GMPS: variants seen among roughly 807,000 people sequenced by gnomAD.
The protein encoded by GMPS is guanosine monophosphate synthase, also known as GMP synthase [glutamine-hydrolyzing].
A neutral mutation model predicts 77.9 loss-of-function variants in GMPS; 15 were observed. The ratio of observed to expected loss-of-function variants is 0.19; its 90% CI spans 0.13 to 0.30. GMPS has a LOEUF of 0.30. Among genes scored for constraint, GMPS ranks in the 10% least tolerant of loss-of-function variants. GMPS has a pLI of 1.00. For synonymous variants in GMPS, 224 were observed against 275.9 expected, an observed-to-expected ratio of 0.81 and a Z score of 1.86; for missense variants, 590 against 838.8, an observed-to-expected ratio of 0.70 and a Z score of 3.66.
intron 3 of GMPS, among the ~76,000 whole-genome samples, chr3:155,903,239 G>T: frequency 6.6e-6 from 1 of 152,176 alleles, no homozygotes; most frequent in East Asian, 1.9e-4. Context: ...GCATGTAAAT[G>T]ATAAATAAGA....
rs554576870 is a variant in GMPS, at chr3:155,906,987, A to G, written c.526+724A>G. Among the ~76,000 whole-genome samples, 15 of 152,316 alleles carry G rather than the reference A, an allele frequency of 9.8e-5. 1 individual carries two copies. The highest frequency in any genetic ancestry group is 3.6e-4 in the African/African-American group (15 of 41,576). On this transcript the variant is annotated intron_variant, in intron 5 of 15. Transcript: ENST00000496455. ...TAATATTCCTGGAAGTTAGTAAAAG[A>G]AAAAGGTGGGTTTATCACTAAAGTT...
chr3:155,902,365 C>T (rs1165792626), intron 3 of GMPS, among the ~76,000 whole-genome samples: 5 of 152,118 alleles, frequency 3.3e-5, no homozygotes, highest in Non-Finnish European at 1.5e-5. Context: ...GCCTATAGAC[C>T]AAATCTGGCC....
At chr3:155,914,593 C>T in intron 8 of GMPS, 23 bp downstream of exon 8, 1 of 1,454,904 alleles carries the variant, frequency 6.9e-7, no homozygotes, top group African/African-American at 1.4e-5. Context: ...TTAATATCCT[C>T]AACATGTACT....
intron 1 of GMPS, among the ~76,000 whole-genome samples, chr3:155,891,714 C>G (rs891968344): frequency 6.7e-6 from 1 of 148,914 alleles, no homozygotes; most frequent in Non-Finnish European, 1.5e-5. Context: ...TCAAGTGATT[C>G]TCCTGCCTCA....
intron 1 of GMPS, among the ~76,000 whole-genome samples, chr3:155,871,532 T>A (rs1383138561): frequency 1.3e-5 from 2 of 152,166 alleles, no homozygotes; most frequent in Non-Finnish European, 2.9e-5. Context: ...CCAACGCCCC[T>A]GCAGGCCCGC....
intron 3 of GMPS, among the ~76,000 whole-genome samples, chr3:155,899,001 C>G (rs1237340390): frequency 6.6e-6 from 1 of 152,116 alleles, no homozygotes; most frequent in Non-Finnish European, 1.5e-5. Flanking sequence ...GAGGCCGAGG[C>G]GGGTGGATCA....
At position 155,941,481 on chromosome 3, in the gene GMPS, CCTTA is replaced by C. The variant is rs973588047; in HGVS notation, c.*3795_*3798del. ...TGGGCTTCAAAAGTGTTAATTGTCT[CCTTA>C]CTTACAGTGAGTTTCTAGAGATAGC... On this transcript the variant is annotated 3_prime_UTR_variant, in exon 16 of 16. Coordinates refer to ENST00000496455, the MANE Select transcript of GMPS (RefSeq NM_003875.3). The C allele has an allele frequency of 9.0e-5, 19 of 211,246 alleles. No individual in the cohort carries two copies. The highest frequency in any genetic ancestry group is 1.5e-3 in the Middle Eastern group (1 of 652). The allele number at this position is 211,246 out of a possible 1,614,324, so 13.1% of individuals were successfully genotyped here. A position where few individuals can be genotyped will look rare whatever the true frequency, so the allele number is the denominator to read the frequency against.
At chr3:155,917,385 A>C (rs533838585) in intron 9 of GMPS, among the ~76,000 whole-genome samples, 1 of 152,292 alleles carries the variant, frequency 6.6e-6, no homozygotes, top group South Asian at 2.1e-4. Context: ...TACCCGTTAA[A>C]AAACAACTCT....
chr3:155,885,553 C>T (rs1345300024), intron 1 of GMPS, among the ~76,000 whole-genome samples: 2 of 152,158 alleles, frequency 1.3e-5, no homozygotes, highest in South Asian at 2.1e-4. Context: ...CAGGTATAAA[C>T]ACAGTTTTCT....
chr3:155,931,443 C>T (rs1386820438), intron 12 of GMPS, among the ~76,000 whole-genome samples: 1 of 152,094 alleles, frequency 6.6e-6, no homozygotes, highest in Admixed American at 6.6e-5. Flanking sequence ...ACCTCGGCCT[C>T]CCAAAGTGCT....
chr3:155,881,655 G>A (rs1754209751), intron 1 of GMPS, among the ~76,000 whole-genome samples: 3 of 152,172 alleles, frequency 2.0e-5, no homozygotes, highest in Admixed American at 2.0e-4. Context: ...TTGTTCGTGA[G>A]TTTGTGGGTC....
intron 3 of GMPS, among the ~76,000 whole-genome samples, chr3:155,901,662 T>C (rs1754741944): frequency 6.6e-6 from 1 of 152,162 alleles, no homozygotes; most frequent in African/African-American, 2.4e-5. Flanking sequence ...GATTTTTTTT[T>C]TTTGTATTTT....
chr3:155,870,355 C>T (rs1282961737), upstream of GMPS, among the ~76,000 whole-genome samples: 3 of 139,892 alleles, frequency 2.1e-5, no homozygotes, highest in African/African-American at 8.2e-5. Context: ...TTCGGTTTTT[C>T]TCCTGGCCGG....
chr3:155,906,110 A>G (rs897145923), intron 4 of GMPS, 50 bp from the exon 5 acceptor site: 4 of 1,094,684 alleles, frequency 3.7e-6, no homozygotes, highest in African/African-American at 1.6e-5. Flanking sequence ...GAACCCATGA[A>G]TCATGTTTTT....
In GMPS at chr3:155,936,446, C is replaced by A; in HGVS notation, c.1916C>A (p.Thr639Asn). The A allele has an allele frequency of 6.2e-7, 1 of 1,606,246 alleles. No individual in the cohort carries two copies. The highest frequency in any genetic ancestry group is 8.5e-7 in the Non-Finnish European group (1 of 1,172,888). ...PSCQRSVVIR[T>N]FITSDFMTGI... Reference sequence around the variant, plus strand: ...TGCCAGAGATCTGTGGTTATTCGAACCTTTATTACTAGTGACTTCATGACT... The same window carrying A: ...TGCCAGAGATCTGTGGTTATTCGAAACTTTATTACTAGTGACTTCATGACT... The change falls in exon 15 of 16, where the codon ACC becomes AAC. Residue 639 changes from threonine (T) to asparagine (N), a missense_variant. Coordinates refer to ENST00000496455, the MANE Select transcript of GMPS (RefSeq NM_003875.3).
At chr3:155,896,344 T>A (rs1019032396) in intron 2 of GMPS, among the ~76,000 whole-genome samples, 1 of 152,164 alleles carries the variant, frequency 6.6e-6, no homozygotes, top group African/African-American at 2.4e-5. Flanking sequence ...AGGTTATAGA[T>A]CTACCCTTAG....
chr3:155,943,934 T>G lies in GMPS; in HGVS notation c.*6242T>G, dbSNP rs182323299. 3 of 152,396 alleles carry G rather than the reference T, an allele frequency of 2.0e-5. No individual in the cohort carries two copies. Among genetic ancestry groups the G allele is most frequent in the Admixed American group, 1.3e-4 (2 of 15,298 alleles). 9.4% of individuals were successfully genotyped at this position (152,396 alleles called of 1,614,324 possible). ...ATGTTAACGGGGGACATAATGGACA[T>G]AAAACATTGGATAGCTTTTTATTTA... On this transcript the variant is annotated 3_prime_UTR_variant, in exon 16 of 16. Coordinates refer to ENST00000496455, the MANE Select transcript of GMPS (RefSeq NM_003875.3).
chr3:155,879,721 T>C (rs992347685), intron 1 of GMPS, among the ~76,000 whole-genome samples: 5 of 133,764 alleles, frequency 3.7e-5, no homozygotes, highest in African/African-American at 1.1e-4. Flanking sequence ...TGTTCAGGTC[T>C]TTTTTGCCCT....
At chr3:155,923,282 A>G (rs549455860) in intron 11 of GMPS, among the ~76,000 whole-genome samples, 9 of 152,322 alleles carry the variant, frequency 5.9e-5, no homozygotes, top group African/African-American at 2.2e-4. Context: ...GAGATTATCC[A>G]GAAATTAGGA....
Sources: allele counts gnomAD v4.1 joint callset (sites outside exome capture counted in the v4.1 genomes callset), GRCh38; gene constraint gnomAD v4.1.1; transcripts MANE v1.5; gene names NCBI Gene and HGNC (gene_info 2026-07-23, HGNC 2026-07-21).